Variants in SPIRE1 observed in about 807,000 individuals in gnomAD.
SPIRE1 encodes the protein protein spire homolog 1.
SPIRE1 carries 40 observed loss-of-function variants against 94.1 expected under a neutral mutation model. The ratio of observed to expected loss-of-function variants is 0.43; its 90% confidence interval spans 0.33 to 0.55. The LOEUF is 0.55. SPIRE1 is among the 20% of genes least tolerant of loss of function. The pLI is 0.06. For missense variants in SPIRE1, 838 were observed against 975.2 expected (o/e 0.86, Z 1.87); for synonymous variants, 376 against 371.7 (o/e 1.01, Z -0.13).
At chr18:12,565,089 C>A (rs555940765) in intron 2 of SPIRE1, among the ~76,000 whole-genome samples, 1 of 152,194 alleles carries the variant, frequency 6.6e-6, no homozygotes, top group Non-Finnish European at 1.5e-5. Context: ...TAAAGAACAT[C>A]GAGCATGATA....
intron 4 of SPIRE1, among the ~76,000 whole-genome samples, chr18:12,521,536 G>A (rs2034358647): frequency 6.6e-6 from 1 of 151,972 alleles, no homozygotes; most frequent in Non-Finnish European, 1.5e-5. Flanking sequence ...GTTTCATCAT[G>A]TCGGCTAGGC....
Position 12,559,029 on chromosome 18 carries a change from C to A in SPIRE1, c.373-12125G>T, listed in dbSNP as rs2035603914. Among the ~76,000 whole-genome samples the A allele has an allele frequency of 6.6e-6, 1 of 152,212 alleles. No homozygotes were observed. Among genetic ancestry groups the A allele is most frequent in the African/African-American group, 2.4e-5 (1 of 41,468 alleles). On this transcript the variant is annotated intron_variant, in intron 2 of 16. Transcript: ENST00000409402. This position sits in a 1 kb window ranked among gnomAD's most constrained non-coding sequence, Gnocchi z 4.7. ...GCCCAGCTGGCTTCCCCTAGTGGATCCTGCACCAGGGCGGCGGGCAGAGGT... is the reference window on the plus strand; with the variant it reads ...GCCCAGCTGGCTTCCCCTAGTGGATACTGCACCAGGGCGGCGGGCAGAGGT...
rs114259517 is a variant in SPIRE1, at chr18:12,636,946, A to G, written c.338-1850T>C. Among the ~76,000 whole-genome samples, 1,341 of 152,322 alleles carry G rather than the reference A, an allele frequency of 8.8e-3. 27 individuals carry two copies. The highest frequency in any genetic ancestry group is 0.03 in the African/African-American group (1,234 of 41,564). ...CTACTGGACAGAAACAGCTCAAGGA[A>G]GGGTACAGACTGCCTTTCGGCAAAC... On this transcript the variant is annotated intron_variant, in intron 1 of 16. Coordinates refer to ENST00000409402, the MANE Select transcript of SPIRE1 (RefSeq NM_001128626.2).
At chr18:12,525,288 A>T (rs897006793) in intron 4 of SPIRE1, among the ~76,000 whole-genome samples, 1 of 146,140 alleles carries the variant, frequency 6.8e-6, no homozygotes, top group African/African-American at 2.5e-5. Flanking sequence ...AAAAAAAAAA[A>T]AAAAAAAAAA....
chr18:12,643,887 T>C (rs2038149662), intron 1 of SPIRE1, among the ~76,000 whole-genome samples: 1 of 151,914 alleles, frequency 6.6e-6, no homozygotes, highest in African/African-American at 2.4e-5. Flanking sequence ...GAAAAGATCA[T>C]TAATTAAAGA....
chr18:12,625,886 T>C (rs981219615), intron 2 of SPIRE1, among the ~76,000 whole-genome samples: 3 of 151,978 alleles, frequency 2.0e-5, no homozygotes, highest in South Asian at 4.1e-4. Flanking sequence ...CTACTAAAAA[T>C]ACAAAAATTA....
intron 1 of SPIRE1, among the ~76,000 whole-genome samples, chr18:12,638,879 G>C (rs887573235): frequency 6.6e-6 from 1 of 152,080 alleles, no homozygotes; most frequent in Non-Finnish European, 1.5e-5. Flanking sequence ...TGCGATGACT[G>C]TAAGTTTTCT....
At chr18:12,574,192 T>C (rs11877349) in intron 2 of SPIRE1, among the ~76,000 whole-genome samples, 21,276 of 152,234 alleles carry the variant, frequency 0.14, 1,748 homozygotes, top group African/African-American at 0.2. Context: ...CTATACTTTC[T>C]GAACAATTTT....
intron 4 of SPIRE1, among the ~76,000 whole-genome samples, chr18:12,523,699 T>G (rs1008334604): frequency 1.3e-5 from 2 of 152,176 alleles, no homozygotes; most frequent in African/African-American, 4.8e-5. Context: ...TATTTTTTTT[T>G]GAGACATAGT....
At chr18:12,472,774 C>A (rs904354371) in intron 10 of SPIRE1, among the ~76,000 whole-genome samples, 4 of 151,984 alleles carry the variant, frequency 2.6e-5, no homozygotes, top group Non-Finnish European at 4.4e-5. Context: ...GATCCTCCTG[C>A]CTCAGCCTTC....
intron 2 of SPIRE1, among the ~76,000 whole-genome samples, chr18:12,629,804 AT>A (rs1486558078): frequency 1.3e-5 from 2 of 152,236 alleles, no homozygotes; most frequent in Non-Finnish European, 2.9e-5. Context: ...GAAAAATTAA[AT>A]TGCCTATTAA....
chr18:12,466,438 G>A (rs535051473), intron 10 of SPIRE1, among the ~76,000 whole-genome samples: 5 of 152,002 alleles, frequency 3.3e-5, no homozygotes, highest in Admixed American at 1.3e-4. Context: ...CACCACGCCC[G>A]GCTAATTTTT....
chr18:12,563,930 G>A (rs141065534), intron 2 of SPIRE1, among the ~76,000 whole-genome samples: 2 of 152,118 alleles, frequency 1.3e-5, no homozygotes, highest in African/African-American at 2.4e-5. Flanking sequence ...TTTTTCTAAT[G>A]AACAAAAATC....
chr18:12,536,312 A>G (rs1001517491), intron 3 of SPIRE1, among the ~76,000 whole-genome samples: 1 of 152,188 alleles, frequency 6.6e-6, no homozygotes, highest in African/African-American at 2.4e-5. Context: ...ATACAACATA[A>G]TACCATTTAC....
intron 2 of SPIRE1, among the ~76,000 whole-genome samples, chr18:12,585,788 G>C (rs192792727): frequency 6.6e-6 from 1 of 152,218 alleles, no homozygotes; most frequent in East Asian, 1.9e-4. Flanking sequence ...AAGAAAATAT[G>C]TAAATAATAA....
intron 2 of SPIRE1, among the ~76,000 whole-genome samples, chr18:12,556,192 T>C (rs761224108): frequency 1.3e-5 from 2 of 152,194 alleles, no homozygotes; most frequent in Non-Finnish European, 2.9e-5. Flanking sequence ...TCGATGTTCA[T>C]GGATTGGAAG....
intron 3 of SPIRE1, 129 bp from the exon 4 acceptor site, chr18:12,535,730 G>T: frequency 2.8e-6 from 2 of 705,260 alleles, no homozygotes; most frequent in Non-Finnish European, 4.6e-6. Flanking sequence ...GCCAACGCAG[G>T]CAGATCATGA....
intron 3 of SPIRE1, 122 bp from the exon 4 acceptor site, chr18:12,535,723 A>AG: frequency 5.3e-6 from 4 of 761,206 alleles, no homozygotes; most frequent in Non-Finnish European, 8.3e-6. Context: ...TTGGGAGGCC[A>AG]ACGCAGGCAG....
intron 12 of SPIRE1, among the ~76,000 whole-genome samples, chr18:12,460,221 G>A (rs1454781576): frequency 6.6e-6 from 1 of 152,178 alleles, no homozygotes; most frequent in Non-Finnish European, 1.5e-5. Flanking sequence ...TGTGATGAAG[G>A]ATAGAGGCAA....
Sources: allele counts gnomAD v4.1 joint callset (sites outside exome capture counted in the v4.1 genomes callset), GRCh38; gene constraint gnomAD v4.1.1; non-coding constraint Gnocchi (gnomAD v3.1); transcripts MANE v1.5; gene names NCBI Gene and HGNC (gene_info 2026-07-23, HGNC 2026-07-21).